The following HS3ST4 variants were observed in gnomAD, a reference collection of about 807,000 sequenced individuals.
HS3ST4 encodes heparan sulfate-glucosamine 3-sulfotransferase 4.
In HS3ST4, 17 loss-of-function variants were observed where a neutral mutation model predicts 29.2. That is an observed-to-expected ratio of 0.58 (90% CI 0.40 to 0.87). The LOEUF (loss-of-function observed/expected upper bound fraction) is 0.87. Ranked by LOEUF, HS3ST4 falls within the 40% of genes least tolerant of loss-of-function variation. The pLI is 0.00. For missense variants in HS3ST4, 627 were observed against 634.5 expected (o/e 0.99, Z 0.13); for synonymous variants, 314 against 285.7 (o/e 1.10, Z -1.00).
chr16:25,792,861 A>G (rs1966872460), intron 1 of HS3ST4, among the ~76,000 whole-genome samples: 1 of 151,744 alleles, frequency 6.6e-6, no homozygotes, highest in Non-Finnish European at 1.5e-5. Context: ...GCTGTTTTCC[A>G]AATTTTTGAG....
At chr16:25,836,050 C>G (rs2141642054) in intron 1 of HS3ST4, among the ~76,000 whole-genome samples, 1 of 152,244 alleles carries the variant, frequency 6.6e-6, no homozygotes, top group South Asian at 2.1e-4. Flanking sequence ...AAGCTGGTCT[C>G]TTCTGAGTTG....
intron 1 of HS3ST4, among the ~76,000 whole-genome samples, chr16:25,795,799 G>T (rs1340781132): frequency 6.6e-6 from 1 of 152,122 alleles, no homozygotes; most frequent in African/African-American, 2.4e-5. Flanking sequence ...GTGTGGCTCA[G>T]TCTATCTTTT....
chr16:26,039,541 CA>C, intron 1 of HS3ST4, among the ~76,000 whole-genome samples: 1 of 152,132 alleles, frequency 6.6e-6, no homozygotes, highest in East Asian at 1.9e-4. Context: ...ATAACCACAT[CA>C]GGGAGAATGG....
intron 1 of HS3ST4, among the ~76,000 whole-genome samples, chr16:25,700,462 T>G (rs929468274): frequency 6.6e-6 from 1 of 152,234 alleles, no homozygotes; most frequent in African/African-American, 2.4e-5. Flanking sequence ...GAGATTTGGC[T>G]GCTTTCACCG....
chr16:26,077,336 C>T (rs1898674651), intron 1 of HS3ST4, among the ~76,000 whole-genome samples: 1 of 152,192 alleles, frequency 6.6e-6, no homozygotes, highest in South Asian at 2.1e-4. Context: ...TTCAAGGAGA[C>T]AGGGAAATAG....
chr16:26,060,055 G>A (rs1307750130), intron 1 of HS3ST4, among the ~76,000 whole-genome samples: 2 of 152,158 alleles, frequency 1.3e-5, no homozygotes, highest in African/African-American at 4.8e-5. Context: ...TGGGATTACA[G>A]GCGTGAGCCA....
chr16:26,011,056 G>C (rs1969305607), intron 1 of HS3ST4, among the ~76,000 whole-genome samples: 1 of 152,106 alleles, frequency 6.6e-6, no homozygotes, highest in Admixed American at 6.6e-5. Context: ...AATAGCTCAG[G>C]AAGGAAAACA....
intron 1 of HS3ST4, among the ~76,000 whole-genome samples, chr16:25,903,032 A>G (rs1242890799): frequency 1.3e-5 from 2 of 151,884 alleles, no homozygotes; most frequent in Admixed American, 6.6e-5. Context: ...AAAAAAAAAA[A>G]AAATGTATGG....
At chr16:26,114,916 A>T (rs919570717) in intron 1 of HS3ST4, among the ~76,000 whole-genome samples, 11 of 152,180 alleles carry the variant, frequency 7.2e-5, no homozygotes, top group Non-Finnish European at 1.5e-5. Flanking sequence ...ACAAAGAGAC[A>T]TGTACAAAGT....
intron 1 of HS3ST4, among the ~76,000 whole-genome samples, chr16:26,105,103 C>A (rs911132037): frequency 1.3e-5 from 2 of 152,198 alleles, no homozygotes; most frequent in African/African-American, 4.8e-5. Context: ...CCCAGGTGCC[C>A]ATCAGTGGTG....
intron 1 of HS3ST4, among the ~76,000 whole-genome samples, chr16:25,748,383 T>C (rs1224968112): frequency 6.6e-6 from 1 of 152,174 alleles, no homozygotes; most frequent in Non-Finnish European, 1.5e-5. Context: ...CTAAGTGGAA[T>C]GAAGAACCCC....
chr16:25,848,801 A>G (rs1291150473), intron 1 of HS3ST4, among the ~76,000 whole-genome samples: 1 of 147,344 alleles, frequency 6.8e-6, no homozygotes, highest in Admixed American at 6.7e-5. Flanking sequence ...TTTTTGTTTT[A>G]CTTTCTTCAG....
chr16:25,774,203 C>T (rs980704640), intron 1 of HS3ST4, among the ~76,000 whole-genome samples: 1 of 152,170 alleles, frequency 6.6e-6, no homozygotes, highest in Non-Finnish European at 1.5e-5. Context: ...ATTTGGTAAG[C>T]GTGAGCTATT....
chr16:26,052,576 G>A (rs151189811), intron 1 of HS3ST4, among the ~76,000 whole-genome samples: 1 of 152,098 alleles, frequency 6.6e-6, no homozygotes, highest in Admixed American at 6.5e-5. Flanking sequence ...TCACCATGTT[G>A]GCCAGGCTGG....
intron 1 of HS3ST4, among the ~76,000 whole-genome samples, chr16:25,754,680 C>G (rs1347111934): frequency 6.6e-6 from 1 of 152,072 alleles, no homozygotes; most frequent in African/African-American, 2.4e-5. Flanking sequence ...GGGAAAGCCC[C>G]TTTAAAACCC....
intron 1 of HS3ST4, among the ~76,000 whole-genome samples, chr16:25,880,235 T>C (rs1967880559): frequency 6.6e-6 from 1 of 152,192 alleles, no homozygotes. Flanking sequence ...TCATGAGATA[T>C]GTTGGATTAA....
At chr16:26,073,590 C>G (rs1898626385) in intron 1 of HS3ST4, among the ~76,000 whole-genome samples, 1 of 152,166 alleles carries the variant, frequency 6.6e-6, no homozygotes, top group African/African-American at 2.4e-5. Context: ...CCAAGCTGGT[C>G]TCAAACTCCT....
chr16:25,774,932 C>T (rs879836522), intron 1 of HS3ST4, among the ~76,000 whole-genome samples: 1 of 152,174 alleles, frequency 6.6e-6, no homozygotes, highest in Admixed American at 6.5e-5. Flanking sequence ...TGCCCCAGCT[C>T]ATAGCATGGC....
chr16:25,848,834 G>T (rs1182686254), intron 1 of HS3ST4, among the ~76,000 whole-genome samples: 1 of 150,700 alleles, frequency 6.6e-6, no homozygotes, highest in Non-Finnish European at 1.5e-5. Context: ...GGTTTTCATG[G>T]TTCCTTTTCC....
Sources: allele counts gnomAD v4.1 joint callset (sites outside exome capture counted in the v4.1 genomes callset), GRCh38; gene constraint gnomAD v4.1.1; transcripts MANE v1.5; gene names NCBI Gene and HGNC (gene_info 2026-07-23, HGNC 2026-07-21).